CACNA1D: variants seen among roughly 807,000 people sequenced by gnomAD.
CACNA1D encodes the protein calcium voltage-gated channel subunit alpha1 D, also known as voltage-dependent L-type calcium channel subunit alpha-1D.
A neutral mutation model predicts 257.1 loss-of-function variants in CACNA1D; 55 were observed. The observed-to-expected ratio is 0.21, with a 90% CI of 0.17 to 0.27. The LOEUF is 0.27. CACNA1D is among the 10% of genes least tolerant of loss of function. The pLI is 1.00. For synonymous variants in CACNA1D, 980 were observed against 1,014.9 expected, an observed-to-expected ratio of 0.97 and a Z score of 0.65; for missense variants, 1,876 against 2,784.0, an observed-to-expected ratio of 0.67 and a Z score of 7.34.
In CACNA1D at chr3:53,774,360, C is replaced by T. The variant is rs73094006; in HGVS notation, c.4111-227C>T. ...CTTTGTGTCTCCCCCAGGGGAGATC[C>T]GCGAATGTGAGACCGTGCCCCTCTG... On this transcript the variant is annotated intron_variant, in intron 33 of 47. Coordinates refer to ENST00000350061, the MANE Select transcript of CACNA1D (RefSeq NM_001128840.3). This position sits in a 1 kb window ranked among gnomAD's most constrained non-coding sequence, Gnocchi z 4.3. 1.3e-4 allele frequency: 71 copies of T among 526,406 alleles called. No individual in the cohort carries two copies. Among genetic ancestry groups the T allele is most frequent in the Admixed American group, 2.8e-4 (9 of 31,918 alleles). The allele number at this position is 526,406 out of a possible 1,614,324, so 32.6% of individuals were successfully genotyped here.
At chr3:53,762,950 C>A (rs1433795725) in intron 30 of CACNA1D, among the ~76,000 whole-genome samples, 1 of 152,198 alleles carries the variant, frequency 6.6e-6, no homozygotes, top group African/African-American at 2.4e-5. Flanking sequence ...AGTCGTGTGA[C>A]CGTGGAAGTC....
At chr3:53,782,969 C>G (rs1291184801) in intron 39 of CACNA1D, 1 of 152,214 alleles carries the variant, frequency 6.6e-6, no homozygotes, top group Non-Finnish European at 1.5e-5. Flanking sequence ...CCTGCAGCCT[C>G]CATTCCTTTC....
intron 3 of CACNA1D, among the ~76,000 whole-genome samples, chr3:53,580,644 G>A (rs1009116552): frequency 6.6e-6 from 1 of 152,154 alleles, no homozygotes; most frequent in Admixed American, 6.5e-5. Context: ...ACCTCACTTG[G>A]CCCTTTTTGG....
chr3:53,635,080 A>G (rs1303795828), intron 3 of CACNA1D, among the ~76,000 whole-genome samples: 3 of 152,132 alleles, frequency 2.0e-5, no homozygotes, highest in Non-Finnish European at 4.4e-5. Context: ...CTTTTCTCCT[A>G]TATTGAGCAC....
Position 53,801,331 on chromosome 3 carries a change from C to T in CACNA1D, c.5314C>T (p.Pro1772Ser), listed in dbSNP as rs750864029. 1.4e-5 allele frequency: 22 copies of T among 1,614,046 alleles called. No individual in the cohort carries two copies. Among genetic ancestry groups the T allele is most frequent in the Non-Finnish European group, 1.9e-5 (22 of 1,180,024 alleles). The change falls in exon 42 of 48, where the codon CCC becomes TCC. Residue 1772 changes from proline (P) to serine (S), a missense_variant. Physicochemically the swap from Pro to Ser is moderately conservative, Grantham distance 74. Around this residue, in one of 10 missense-constraint regions of CACNA1D, gnomAD observed 491 missense variants for 554.3 expected, o/e 0.89. Coordinates refer to ENST00000350061, the MANE Select transcript of CACNA1D (RefSeq NM_001128840.3). ...NMSKAAHGKR[P>S]SIGNLEHVSE... The stretch of plus-strand genomic sequence containing the variant: ...GTCCAAAGCTGCCCATGGAAAGCGG[C>T]CCAGCATTGGGAACCTTGAGCATGT...
intron 3 of CACNA1D, among the ~76,000 whole-genome samples, chr3:53,506,488 C>T (rs1483671185): frequency 1.3e-5 from 2 of 152,148 alleles, no homozygotes; most frequent in African/African-American, 4.8e-5. Flanking sequence ...GCTGAGACTG[C>T]AGTCTGATTT....
intron 30 of CACNA1D, among the ~76,000 whole-genome samples, chr3:53,766,573 C>G (rs1241067441): frequency 6.6e-6 from 1 of 152,230 alleles, no homozygotes; most frequent in Non-Finnish European, 1.5e-5. Context: ...TTGGGAACCT[C>G]AGGGTCTTTT....
At chr3:53,551,011 A>G (rs994796444) in intron 3 of CACNA1D, among the ~76,000 whole-genome samples, 3 of 152,200 alleles carry the variant, frequency 2.0e-5, no homozygotes, top group Non-Finnish European at 4.4e-5. Context: ...CTGTTTGCCA[A>G]ATTTTCTTTA....
At chr3:53,599,995 C>T (rs1372323120) in intron 3 of CACNA1D, among the ~76,000 whole-genome samples, 5 of 152,218 alleles carry the variant, frequency 3.3e-5, no homozygotes, top group African/African-American at 1.2e-4. Flanking sequence ...TTTGGAATTA[C>T]CCAAGCATGG....
chr3:53,641,053 G>C (rs1214924167), intron 3 of CACNA1D, among the ~76,000 whole-genome samples: 1 of 152,224 alleles, frequency 6.6e-6, no homozygotes, highest in African/African-American at 2.4e-5. Context: ...CAGACGTGAA[G>C]ACCGTACCTT....
chr3:53,620,342 G>T (rs1025923150), intron 3 of CACNA1D, among the ~76,000 whole-genome samples: 3 of 152,190 alleles, frequency 2.0e-5, no homozygotes, highest in African/African-American at 7.2e-5. Context: ...CCAGGCTGGA[G>T]TGCAGTGGTG....
intron 30 of CACNA1D, among the ~76,000 whole-genome samples, chr3:53,766,337 G>A (rs995224624): frequency 6.6e-6 from 1 of 152,176 alleles, no homozygotes; most frequent in African/African-American, 2.4e-5. Context: ...CACAGACCCA[G>A]CAACCCCAAA....
intron 3 of CACNA1D, among the ~76,000 whole-genome samples, chr3:53,636,555 C>T (rs1428783367): frequency 6.6e-6 from 1 of 152,198 alleles, no homozygotes; most frequent in African/African-American, 2.4e-5. Context: ...GTCCGGCCTG[C>T]CTTGGCCCCC....
intron 40 of CACNA1D, among the ~76,000 whole-genome samples, chr3:53,787,586 G>C (rs3774597): frequency 0.5 from 75,239 of 151,832 alleles, 20,677 homozygotes; most frequent in African/African-American, 0.75. Context: ...GGGCCCTGCT[G>C]CAGGCTCCTA....
intron 3 of CACNA1D, among the ~76,000 whole-genome samples, chr3:53,584,516 G>GTCCA (rs1047317327): frequency 2.0e-5 from 3 of 152,082 alleles, no homozygotes; most frequent in Non-Finnish European, 2.9e-5. Flanking sequence ...TCATCTGTCT[G>GTCCA]TCCATCCATC....
rs2090270714 is a variant in CACNA1D, at chr3:53,494,642, C to CA, written c.-525_-524insA. 1 of 145,870 alleles carries CA rather than the reference C, an allele frequency of 6.9e-6. No homozygotes were observed. The highest frequency in any genetic ancestry group is 1.5e-5 in the Non-Finnish European group (1 of 65,564). 9.0% of individuals were successfully genotyped at this position (145,870 alleles called of 1,614,324 possible). On this transcript the variant is annotated 5_prime_UTR_variant, in exon 1 of 48. Transcript: ENST00000350061. ...GGCGTGCGGCGCGGCGCGGCGGGCG[C>CA]GGAGCGAGCGGGCGGGCGAGCGCCT...
At chr3:53,543,448 T>C (rs991669138) in intron 3 of CACNA1D, among the ~76,000 whole-genome samples, 2 of 152,140 alleles carry the variant, frequency 1.3e-5, no homozygotes, top group African/African-American at 4.8e-5. Flanking sequence ...GGCCCTCTCT[T>C]TGGTAGGTGT....
intron 4 of CACNA1D, 127 bp from the exon 5 acceptor site, chr3:53,660,006 G>A: frequency 1.2e-6 from 1 of 800,820 alleles, no homozygotes; most frequent in Non-Finnish European, 2.0e-6. Flanking sequence ...TCTTGTCTTT[G>A]TCTTCCTTTT....
At position 53,786,746 on chromosome 3, in the gene CACNA1D, C is replaced by T. The variant is rs1010862463; in HGVS notation, c.4793-76C>T. The T allele has an allele frequency of 4.3e-5, 56 of 1,299,334 alleles. No individual in the cohort carries two copies. The Middle Eastern group carries it at 6.6e-4, about 15-fold the overall frequency. The allele number at this position is 1,299,334 out of a possible 1,614,324, so 80.5% of individuals were successfully genotyped here. A position where few individuals can be genotyped will look rare whatever the true frequency, so the allele number is the denominator to read the frequency against. On this transcript the variant is annotated intron_variant, in intron 39 of 47. Transcript: ENST00000350061. ...GCCCCACTCTGCCCCTGCCCCTGCCCCAGCCAGAAGCAAGTGTTTAGGCTC... is the reference window on the plus strand; with the variant it reads ...GCCCCACTCTGCCCCTGCCCCTGCCTCAGCCAGAAGCAAGTGTTTAGGCTC...
Sources: allele counts gnomAD v4.1 joint callset (sites outside exome capture counted in the v4.1 genomes callset), GRCh38; gene constraint gnomAD v4.1.1; regional missense constraint gnomAD v4.1.1; non-coding constraint Gnocchi (gnomAD v3.1); transcripts MANE v1.5; gene names NCBI Gene and HGNC (gene_info 2026-07-23, HGNC 2026-07-21).